TENM3: variants seen among roughly 807,000 people sequenced by gnomAD.
TENM3 encodes teneurin transmembrane protein 3, also known as teneurin-3.
In TENM3, 63 loss-of-function variants were observed where a neutral mutation model predicts 255.1. The ratio of observed to expected loss-of-function variants is 0.25; its 90% CI spans 0.20 to 0.30. TENM3 has a LOEUF of 0.30. Ranked by LOEUF, TENM3 falls within the 10% of genes least tolerant of loss-of-function variation. The pLI is 1.00. For missense variants in TENM3, 2,929 were observed against 3,461.1 expected, an observed-to-expected ratio of 0.85 and a Z score of 3.86; for synonymous variants, 1,306 against 1,322.3, an observed-to-expected ratio of 0.99 and a Z score of 0.27.
At chr4:181,911,044 T>G in the TENM3 span, among the ~76,000 whole-genome samples, 1 of 152,218 alleles carries the variant, frequency 6.6e-6, no homozygotes, top group African/African-American at 2.4e-5. Flanking sequence ...GGTATGTAAA[T>G]TTATTTGTAG....
At chr4:181,500,624 T>C in the TENM3 span, among the ~76,000 whole-genome samples, 654 of 152,304 alleles carry the variant, frequency 4.3e-3, 3 homozygotes, top group Admixed American at 7.3e-3. Context: ...AAAGGAAATA[T>C]AAAATTGTCA....
At chr4:181,718,287 A>G in the TENM3 span, among the ~76,000 whole-genome samples, 1 of 152,186 alleles carries the variant, frequency 6.6e-6, no homozygotes, top group Non-Finnish European at 1.5e-5. Flanking sequence ...TGAAACCTCT[A>G]TAGCTGACTG....
intron 3 of TENM3, among the ~76,000 whole-genome samples, chr4:182,597,709 G>A (rs1747403766): frequency 6.6e-6 from 1 of 152,128 alleles, no homozygotes; most frequent in African/African-American, 2.4e-5. Context: ...ATTTTTGGCA[G>A]TGTTGTACTT....
chr4:182,505,952 A>T (rs1465996526), intron 3 of TENM3, among the ~76,000 whole-genome samples: 1 of 152,218 alleles, frequency 6.6e-6, no homozygotes, highest in East Asian at 1.9e-4. Flanking sequence ...GGAAAGGTAG[A>T]TGTTGAGTGT....
chr4:181,489,102 C>T, the TENM3 span, among the ~76,000 whole-genome samples: 3 of 152,178 alleles, frequency 2.0e-5, no homozygotes, highest in Non-Finnish European at 4.4e-5. Flanking sequence ...ACCATTCATT[C>T]ATCTGTAGGC....
chr4:182,156,597 T>G (rs145829634), intron 1 of TENM3, among the ~76,000 whole-genome samples: 1 of 151,870 alleles, frequency 6.6e-6, no homozygotes, highest in Non-Finnish European at 1.5e-5. Context: ...AATATGATAG[T>G]TTTTTTTACT....
chr4:181,759,724 ATG>A, the TENM3 span, among the ~76,000 whole-genome samples: 31,763 of 146,398 alleles, frequency 0.22, 3,529 homozygotes, highest in South Asian at 0.26. Context: ...CAATCAACAG[ATG>A]TGTGTGTGTG....
At chr4:182,431,391 G>A (rs1236740311) in intron 3 of TENM3, among the ~76,000 whole-genome samples, 1 of 152,064 alleles carries the variant, frequency 6.6e-6, no homozygotes, top group Admixed American at 6.5e-5. Flanking sequence ...CTACTCAGGA[G>A]GCTGAGGCAG....
chr4:181,779,188 T>G, the TENM3 span, among the ~76,000 whole-genome samples: 1 of 152,124 alleles, frequency 6.6e-6, no homozygotes, highest in African/African-American at 2.4e-5. Flanking sequence ...AGCCATGATG[T>G]CCTTTAGTGG....
chr4:181,781,914 A>G, the TENM3 span, among the ~76,000 whole-genome samples: 1 of 152,098 alleles, frequency 6.6e-6, no homozygotes, highest in Non-Finnish European at 1.5e-5. Context: ...TATATGCTGG[A>G]TTACATTTAC....
the TENM3 span, among the ~76,000 whole-genome samples, chr4:181,774,078 C>T: frequency 6.2e-5 from 6 of 96,510 alleles, no homozygotes; most frequent in Non-Finnish European, 1.1e-4. Flanking sequence ...AGGTTAGTTA[C>T]ATATGTATAC....
chr4:181,690,257 C>CACAG, the TENM3 span, among the ~76,000 whole-genome samples: 1 of 150,918 alleles, frequency 6.6e-6, no homozygotes, highest in South Asian at 2.1e-4. Flanking sequence ...CACACACACA[C>CACAG]ACACCAGGAT....
chr4:182,192,184 C>G (rs551805998), intron 1 of TENM3, among the ~76,000 whole-genome samples: 1 of 152,272 alleles, frequency 6.6e-6, no homozygotes, highest in East Asian at 1.9e-4. Context: ...TTGTCTGTGG[C>G]TGCTTTCATG....
intron 3 of TENM3, among the ~76,000 whole-genome samples, chr4:182,552,233 C>A (rs1057489661): frequency 6.6e-6 from 1 of 152,016 alleles, no homozygotes; most frequent in African/African-American, 2.4e-5. Context: ...GCCAGGAGTT[C>A]AAGACTAGCC....
intron 24 of TENM3, among the ~76,000 whole-genome samples, chr4:182,788,589 G>C (rs1176612617): frequency 1.3e-5 from 2 of 152,156 alleles, no homozygotes; most frequent in Non-Finnish European, 2.9e-5. Flanking sequence ...CAATGATCTT[G>C]TTTATAACCT....
chr4:181,826,268 A>G, the TENM3 span, among the ~76,000 whole-genome samples: 3 of 152,238 alleles, frequency 2.0e-5, no homozygotes, highest in Admixed American at 6.5e-5. Context: ...AAAAAAAAAT[A>G]AGCCGGAGAA....
chr4:182,752,301 CAACT>C lies in TENM3; in HGVS notation c.3862+275_3862+278del, dbSNP rs3038590. On this transcript the variant is annotated intron_variant, in intron 20 of 27. Transcript: ENST00000511685. Reference sequence around the variant, plus strand: ...TTTATCAGCTCTTCAAAGAATGAAGCAACTAACTACTCTATATAATTCAGGCCAC... The same window carrying C: ...TTTATCAGCTCTTCAAAGAATGAAGCAACTACTCTATATAATTCAGGCCAC... 0.78 allele frequency among the ~76,000 whole-genome samples: 117,738 copies of C among 151,408 alleles called. 46,048 individuals carry two copies. Among genetic ancestry groups the C allele is most frequent in the East Asian group, 0.96 (4,957 of 5,142 alleles).
chr4:182,046,357 G>A, the TENM3 span, among the ~76,000 whole-genome samples: 1 of 151,934 alleles, frequency 6.6e-6, no homozygotes, highest in East Asian at 1.9e-4. Context: ...ATTGATTTAT[G>A]AAGACAAAAT....
the TENM3 span, among the ~76,000 whole-genome samples, chr4:181,637,704 C>A: frequency 1.3e-5 from 2 of 152,296 alleles, no homozygotes; most frequent in East Asian, 3.9e-4. Context: ...GAGAGGGACA[C>A]AGACATTGTC....
Sources: gnomAD v4.1 joint callset for allele counts (sites outside exome capture counted in the v4.1 genomes callset) on GRCh38, gnomAD v4.1.1 for gene constraint, MANE v1.5 for transcripts, NCBI Gene and HGNC (gene_info 2026-07-23, HGNC 2026-07-21) for gene names.